RPUSD4: variants seen among roughly 807,000 people sequenced by gnomAD.
The protein encoded by RPUSD4 is RNA pseudouridine synthase D4.
In RPUSD4, 37 loss-of-function variants were observed where a neutral mutation model predicts 35.4. The observed-to-expected ratio is 1.04, with a 90% CI of 0.80 to 1.37. The LOEUF (loss-of-function observed/expected upper bound fraction) is 1.37, where lower values mean the gene tolerates loss of function less well. RPUSD4 is among the 40% of genes most tolerant of loss of function. RPUSD4 has a pLI of 0.00. For synonymous variants in RPUSD4, 210 were observed against 192.7 expected (o/e 1.09, Z -0.74); for missense variants, 507 against 484.9 (o/e 1.05, Z -0.43).
chr11:126,209,700 G>C lies in RPUSD4; in HGVS notation c.378C>G (p.Cys126Trp). The change falls in exon 3 of 7, where the codon TGC becomes TGG. Residue 126 changes from cysteine to tryptophan, a missense_variant. Physicochemically the swap from Cys to Trp is radical, Grantham distance 215. Transcript: ENST00000298317. Reference sequence around the variant, plus strand: ...CCAGGATAGGTAGTACATCAGTGATGCAGAGCTGGACCCCAGGGCCACCTA... The same window carrying C: ...CCAGGATAGGTAGTACATCAGTGATCCAGAGCTGGACCCCAGGGCCACCTA... ...PVHGGPGVQLCITDVLPILAK... is the reference protein window; with the variant it reads ...PVHGGPGVQLWITDVLPILAK... The C allele has an allele frequency of 1.9e-6, 3 of 1,613,982 alleles. No individual in the cohort carries two copies. The highest frequency in any genetic ancestry group is 2.5e-6 in the Non-Finnish European group (3 of 1,180,024).
intron 1 of RPUSD4, 125 bp downstream of exon 1, chr11:126,211,325 T>A (rs1949863614): frequency 1.8e-6 from 2 of 1,136,148 alleles, no homozygotes; most frequent in African/African-American, 3.1e-5. Flanking sequence ...TTCTCCCCAT[T>A]CTCCCACCTT....
chr11:126,208,024 CTTT>C (rs552761189), intron 3 of RPUSD4, among the ~76,000 whole-genome samples: 21 of 146,022 alleles, frequency 1.4e-4, no homozygotes, highest in African/African-American at 5.0e-4. Flanking sequence ...TAGAAAATAT[CTTT>C]TTTTTTTTTA....
chr11:126,206,780 C>T (rs1421843220), intron 3 of RPUSD4, among the ~76,000 whole-genome samples: 1 of 152,030 alleles, frequency 6.6e-6, no homozygotes, highest in Non-Finnish European at 1.5e-5. Context: ...GGTCAAAATC[C>T]TACTCACACA....
At chr11:126,208,434 C>T (rs150072658) in intron 3 of RPUSD4, among the ~76,000 whole-genome samples, 81 of 152,240 alleles carry the variant, frequency 5.3e-4, no homozygotes, top group Middle Eastern at 3.4e-3. Flanking sequence ...TATATATGCT[C>T]GATAACTCTG....
intron 3 of RPUSD4, chr11:126,206,100 T>C: frequency 9.7e-6 from 2 of 205,148 alleles, no homozygotes; most frequent in East Asian, 1.1e-4. Flanking sequence ...TATGGTAATA[T>C]AGTTTTGTAT....
At chr11:126,206,548 C>T (rs955385471) in intron 3 of RPUSD4, 1 of 152,240 alleles carries the variant, frequency 6.6e-6, no homozygotes, top group Non-Finnish European at 1.5e-5. Context: ...CACAGCAAGA[C>T]TCCGTCTAAA....
rs920970848 is a variant in RPUSD4, at chr11:126,203,206, C to A, written c.*212G>T. ...CTTTTCCACAGTGCAGCCAAACTAT[C>A]AGTAAATAGACTTTGTTCTCCATTA... On this transcript the variant is annotated 3_prime_UTR_variant, in exon 7 of 7. Transcript: ENST00000298317. 1.9e-5 allele frequency: 12 copies of A among 627,120 alleles called. No individual in the cohort carries two copies. In the African/African-American group the frequency reaches 2.0e-4, roughly 11 times the overall value. 38.8% of individuals were successfully genotyped at this position (627,120 alleles called of 1,614,324 possible).
intron 6 of RPUSD4, 126 bp downstream of exon 6, chr11:126,204,105 A>T: frequency 2.7e-6 from 2 of 749,356 alleles, no homozygotes; most frequent in Non-Finnish European, 4.6e-6. Context: ...AAATCAAGAT[A>T]ATGAGCTTGG....
In RPUSD4 at chr11:126,205,792, C is replaced by T. The variant is rs1307264489; in HGVS notation, c.558-11G>A. ...TGCACAGTGATGGCCCTGGGGGTGA[C>T]ACAGATCACTGCTTTAGCCAACCAA... is the stretch of plus-strand genomic sequence containing the variant. On this transcript the variant is annotated splice_polypyrimidine_tract_variant and intron_variant, in intron 3 of 6. Transcript: ENST00000298317. The T allele has an allele frequency of 6.3e-7, 1 of 1,576,896 alleles. No homozygotes were observed.
chr11:126,203,425 G>T lies in RPUSD4; in HGVS notation c.1127C>A (p.Ala376Glu). Residue 376 changes from alanine to glutamate, a missense_variant, in exon 7 of 7, where the codon GCA becomes GAA. Physicochemically the swap from Ala to Glu is moderately radical, Grantham distance 107 (BLOSUM62 -1). Coordinates refer to ENST00000298317, the MANE Select transcript of RPUSD4 (RefSeq NM_032795.3). ...AGGGTGCTCCCATGGTCTTCACTGT[G>T]CTCCCAGACACTTGGCTTCATTGTT... ...NENNEAKCLG[A>E]Q The T allele has an allele frequency of 6.2e-7, 1 of 1,612,776 alleles. No individual in the cohort carries two copies.
In RPUSD4 at chr11:126,203,376, G is replaced by A. The variant is rs1219199251; in HGVS notation, c.*42C>T. The stretch of plus-strand genomic sequence containing the variant: ...TCCCAGGTGCCAGGATGCTCTCAGG[G>A]TCTTCACTGTGCTCCCAGGTGCCAG... On this transcript the variant is annotated 3_prime_UTR_variant, in exon 7 of 7. Coordinates refer to ENST00000298317, the MANE Select transcript of RPUSD4 (RefSeq NM_032795.3). The A allele has an allele frequency of 6.3e-7, 1 of 1,596,726 alleles. No individual in the cohort carries two copies. The highest frequency in any genetic ancestry group is 8.5e-7 in the Non-Finnish European group (1 of 1,176,550).
intron 1 of RPUSD4, 76 bp downstream of exon 1, chr11:126,211,374 A>T (rs1949864596): frequency 6.9e-7 from 1 of 1,451,126 alleles, no homozygotes; most frequent in East Asian, 2.3e-5. Flanking sequence ...CACTCAGAGG[A>T]CCCTCCTACC....
intron 1 of RPUSD4, 123 bp from the exon 2 acceptor site, chr11:126,211,178 C>T: frequency 8.2e-7 from 1 of 1,218,260 alleles, no homozygotes; most frequent in South Asian, 1.4e-5. Context: ...CCCGCGCCGC[C>T]TTCGACTAAT....
chr11:126,209,427 T>A, intron 3 of RPUSD4, 94 bp downstream of exon 3: 1 of 1,067,390 alleles, frequency 9.4e-7, no homozygotes, highest in South Asian at 1.4e-5. Context: ...GTGCAGTGCC[T>A]TCTATTAATG....
At position 126,203,238 on chromosome 11, in the gene RPUSD4, C is replaced by G. The variant is rs1245601513; in HGVS notation, c.*180G>C. On this transcript the variant is annotated 3_prime_UTR_variant, in exon 7 of 7. Transcript: ENST00000298317. ...TAGACTTTGTTCTCCATTAAAAGCC[C>G]TGTAGCAGCTGAGTTGCTTTACCTT... 7.5e-6 allele frequency: 6 copies of G among 797,636 alleles called. No individual in the cohort carries two copies. The highest frequency in any genetic ancestry group is 7.3e-4 in the Middle Eastern group (2 of 2,738). The allele number at this position is 797,636 out of a possible 1,614,324, so 49.4% of individuals were successfully genotyped here.
intron 2 of RPUSD4, among the ~76,000 whole-genome samples, chr11:126,210,255 G>GA (rs1949832143): frequency 6.6e-6 from 1 of 152,138 alleles, no homozygotes; most frequent in South Asian, 2.1e-4. Flanking sequence ...AATAAAGAGA[G>GA]AAAAAAATTA....
At chr11:126,209,834 A>C in intron 2 of RPUSD4, 112 bp from the exon 3 acceptor site, 1 of 866,216 alleles carries the variant, frequency 1.2e-6, no homozygotes, top group South Asian at 1.6e-5. Context: ...CTAGAGCCTT[A>C]CTACTGAAGT....
chr11:126,203,927 G>A (rs1045420512), intron 6 of RPUSD4, among the ~76,000 whole-genome samples: 1 of 152,082 alleles, frequency 6.6e-6, no homozygotes, highest in Non-Finnish European at 1.5e-5. Context: ...CTTTCCCTGC[G>A]GTTTTTTAGT....
rs751561689 is a variant in RPUSD4 at position 126,205,465 on chromosome 11, C to T, written c.796+3G>A. On this transcript the variant is annotated splice_donor_region_variant and intron_variant, in intron 5 of 6. Transcript: ENST00000298317. ...TCCCACTGCGGAAAAGTGACACTCT[C>T]ACCAGTGATGGGCTGGAGCTCCACG... is the stretch of plus-strand genomic sequence containing the variant. 6.2e-7 allele frequency: 1 copy of T among 1,614,206 alleles called. No individual in the cohort carries two copies. Among genetic ancestry groups the T allele is most frequent in the East Asian group, 2.2e-5 (1 of 44,886 alleles).
Sources: allele counts gnomAD v4.1 joint callset (sites outside exome capture counted in the v4.1 genomes callset), GRCh38; gene constraint gnomAD v4.1.1; transcripts MANE v1.5; gene names NCBI Gene and HGNC (gene_info 2026-07-23, HGNC 2026-07-21).